Variants in SVOP observed in about 807,000 individuals in gnomAD.
SVOP encodes the protein SV2 related protein.
A neutral mutation model predicts 69.1 loss-of-function variants in SVOP; 17 were observed. That is an observed-to-expected ratio of 0.25 (90% CI 0.17 to 0.37). The LOEUF (loss-of-function observed/expected upper bound fraction) is 0.37. Among genes scored for constraint, SVOP ranks in the 10% least tolerant of loss-of-function variants. SVOP has a pLI of 1.00. For missense variants in SVOP, 435 were observed against 597.5 expected (o/e 0.73, Z 2.84); for synonymous variants, 238 against 238.6 (o/e 1.00, Z 0.02).
intron 11 of SVOP, among the ~76,000 whole-genome samples, chr12:108,929,442 C>T (rs34241607): frequency 0.076 from 11,553 of 152,118 alleles, 669 homozygotes; most frequent in Middle Eastern, 0.19. Flanking sequence ...CCTGCCTCAG[C>T]CTCCTGAGTA....
chr12:108,980,407 A>G lies in SVOP; in HGVS notation c.197-1744T>C, dbSNP rs1254978397. ...TGAGAAATGTCTATACTATATCTGC[A>G]ATTTTTTTGTAAAGCTAAAATAATT... is the stretch of plus-strand genomic sequence containing the variant. On this transcript the variant is annotated intron_variant, in intron 2 of 15. Transcript: ENST00000610966. Among the ~76,000 whole-genome samples, 3 of 152,304 alleles carry G rather than the reference A, an allele frequency of 2.0e-5. No homozygotes were observed. In the East Asian group the frequency reaches 5.8e-4, roughly 29 times the overall value.
chr12:108,957,075 T>G (rs1234132677), intron 6 of SVOP, among the ~76,000 whole-genome samples: 1 of 152,084 alleles, frequency 6.6e-6, no homozygotes, highest in Non-Finnish European at 1.5e-5. Context: ...GGATTTGTAC[T>G]TCACATCCTG....
chr12:108,966,481 C>G (rs997519905), intron 5 of SVOP, among the ~76,000 whole-genome samples: 2 of 151,904 alleles, frequency 1.3e-5, no homozygotes, highest in Non-Finnish European at 2.9e-5. Flanking sequence ...CGGCAGGAAT[C>G]TTATAGCTGG....
intron 6 of SVOP, among the ~76,000 whole-genome samples, chr12:108,956,325 A>G (rs1388580501): frequency 1.3e-5 from 2 of 150,504 alleles, no homozygotes; most frequent in African/African-American, 4.9e-5. Flanking sequence ...AAGAATTAGC[A>G]TTACCCTTCT....
chr12:108,954,529 T>C (rs575471183), intron 6 of SVOP, among the ~76,000 whole-genome samples: 21 of 152,294 alleles, frequency 1.4e-4, no homozygotes, highest in African/African-American at 5.1e-4. Flanking sequence ...ATTCCCCTGG[T>C]GTCCTGTGCC....
At chr12:108,970,629 G>A (rs1253788363) in intron 5 of SVOP, among the ~76,000 whole-genome samples, 2 of 152,150 alleles carry the variant, frequency 1.3e-5, no homozygotes, top group African/African-American at 4.8e-5. Flanking sequence ...TTCAAAGTAT[G>A]GTCCCAAGCA....
At position 108,922,761 on chromosome 12, in the gene SVOP, C is replaced by A. The variant is rs371869713; in HGVS notation, c.1085G>T (p.Ser362Ile). 6.2e-7 allele frequency: 1 copy of A among 1,610,940 alleles called. No homozygotes were observed. Among genetic ancestry groups the A allele is most frequent in the Non-Finnish European group, 8.5e-7 (1 of 1,178,906 alleles). ...CTCACTCAGGTACTCGCAGGCCAGG[C>A]TGCATTTTGCCTCTACAGCCTTCTT... ...SRKKAVEAKC[S>I]LACEYLSEED... Residue 362 changes from serine to isoleucine, a missense_variant, in exon 12 of 16, where the codon AGC (serine) becomes ATC (isoleucine). Transcript: ENST00000610966.
intron 4 of SVOP, among the ~76,000 whole-genome samples, chr12:108,975,896 T>C (rs193218068): frequency 8.2e-4 from 125 of 152,168 alleles, no homozygotes; most frequent in African/African-American, 3.0e-3. Context: ...AGACGGGGTT[T>C]CACCAAGTTG....
rs552385014 is a variant in SVOP at position 108,908,250 on chromosome 12, T to G, written c.*4285A>C. 6.6e-6 allele frequency: 1 copy of G among 152,376 alleles called. No homozygotes were observed. The highest frequency in any genetic ancestry group is 2.4e-5 in the African/African-American group (1 of 41,584). 9.4% of individuals were successfully genotyped at this position (152,376 alleles called of 1,614,324 possible). A position where few individuals can be genotyped will look rare whatever the true frequency, so the allele number is the denominator to read the frequency against. Reference sequence around the variant, plus strand: ...CACAGATTCAGAGGGGCAGCTGTCTTGGGCCCCAGTGGTTTCCCAGATCCC... The same window carrying G: ...CACAGATTCAGAGGGGCAGCTGTCTGGGGCCCCAGTGGTTTCCCAGATCCC... On this transcript the variant is annotated 3_prime_UTR_variant, in exon 16 of 16. Coordinates refer to ENST00000610966, the MANE Select transcript of SVOP (RefSeq NM_018711.5).
At chr12:109,003,433 A>G (rs751757240) in intron 1 of SVOP, among the ~76,000 whole-genome samples, 4 of 152,236 alleles carry the variant, frequency 2.6e-5, no homozygotes, top group Non-Finnish European at 5.9e-5. Flanking sequence ...AATGACAGCC[A>G]GCTTGCAGAC....
chr12:108,997,998 C>T (rs1232281573), intron 1 of SVOP, among the ~76,000 whole-genome samples: 333 of 147,170 alleles, frequency 2.3e-3, no homozygotes, highest in African/African-American at 6.8e-3. Context: ...AGGCTTCAGA[C>T]GATCAAATTA....
intron 1 of SVOP, among the ~76,000 whole-genome samples, chr12:108,996,660 G>A (rs1272011688): frequency 6.6e-6 from 1 of 152,164 alleles, no homozygotes; most frequent in East Asian, 1.9e-4. Context: ...GCCAGGCATC[G>A]TGGCTCATAC....
intron 4 of SVOP, among the ~76,000 whole-genome samples, chr12:108,973,378 GTATA>G (rs2040089810): frequency 6.6e-6 from 1 of 151,730 alleles, no homozygotes; most frequent in Non-Finnish European, 1.5e-5. Flanking sequence ...GTTTATGTAT[GTATA>G]ATTTATTTAT....
At chr12:109,006,838 T>C (rs1418599648) in intron 1 of SVOP, among the ~76,000 whole-genome samples, 1 of 152,170 alleles carries the variant, frequency 6.6e-6, no homozygotes, top group Admixed American at 6.5e-5. Flanking sequence ...TAGTTAACTC[T>C]GAGAGGGGCA....
rs975678075 is a variant in SVOP at position 108,928,309 on chromosome 12, A to T, written c.1049-5512T>A. Among the ~76,000 whole-genome samples, 3 of 151,698 alleles carry T rather than the reference A, an allele frequency of 2.0e-5. No homozygotes were observed. In the East Asian group the frequency reaches 5.8e-4, roughly 30 times the overall value. ...CACCCTTGGGCTCTGTCTAGTTTTGACAAGATACTGCTGAATCAGTCTAGC... is the reference window on the plus strand; with the variant it reads ...CACCCTTGGGCTCTGTCTAGTTTTGTCAAGATACTGCTGAATCAGTCTAGC... On this transcript the variant is annotated intron_variant, in intron 11 of 15. Coordinates refer to ENST00000610966, the MANE Select transcript of SVOP (RefSeq NM_018711.5).
intron 6 of SVOP, among the ~76,000 whole-genome samples, chr12:108,959,214 A>G (rs2040002747): frequency 6.6e-6 from 1 of 152,146 alleles, no homozygotes; most frequent in African/African-American, 2.4e-5. Context: ...TGCCATAGCC[A>G]GATCCATACT....
chr12:108,952,034 G>GGGACCA (rs1292456799), intron 6 of SVOP, among the ~76,000 whole-genome samples: 2 of 152,090 alleles, frequency 1.3e-5, no homozygotes, highest in Non-Finnish European at 2.9e-5. Context: ...CAGATGCCAT[G>GGGACCA]GGACCAGGTG....
At chr12:108,927,730 A>T (rs2039790047) in intron 11 of SVOP, among the ~76,000 whole-genome samples, 1 of 151,772 alleles carries the variant, frequency 6.6e-6, no homozygotes, top group Admixed American at 6.6e-5. Context: ...CCTCCTGAGT[A>T]GCTGGGACCA....
At chr12:108,985,736 G>A (rs926874406) in intron 1 of SVOP, among the ~76,000 whole-genome samples, 9 of 152,138 alleles carry the variant, frequency 5.9e-5, no homozygotes, top group Non-Finnish European at 8.8e-5. Flanking sequence ...GGTAGTATAT[G>A]AGCAGATGGA....
Sources: gnomAD v4.1 joint callset for allele counts (sites outside exome capture counted in the v4.1 genomes callset) on GRCh38, gnomAD v4.1.1 for gene constraint, MANE v1.5 for transcripts, NCBI Gene and HGNC (gene_info 2026-07-23, HGNC 2026-07-21) for gene names.